Variants in PTPRT observed in about 807,000 individuals in gnomAD.
PTPRT encodes protein tyrosine phosphatase receptor type T.
PTPRT carries 56 observed loss-of-function variants against 176.8 expected under a neutral mutation model. The ratio of observed to expected loss-of-function variants is 0.32; its 90% confidence interval spans 0.26 to 0.40. The LOEUF (loss-of-function observed/expected upper bound fraction) is 0.40, where lower values mean the gene tolerates loss of function less well. Among genes scored for constraint, PTPRT ranks in the 10% least tolerant of loss-of-function variants. The probability of loss-of-function intolerance (pLI) is 1.00; values close to 1 mark genes in which losing one functional copy is unlikely to be tolerated. For synonymous variants in PTPRT, 783 were observed against 739.0 expected (o/e 1.06, Z -0.96); for missense variants, 1,540 against 1,908.2 (o/e 0.81, Z 3.60).
chr20:42,157,251 C>T (rs1198762555), intron 17 of PTPRT, among the ~76,000 whole-genome samples: 1 of 152,140 alleles, frequency 6.6e-6, no homozygotes, highest in Non-Finnish European at 1.5e-5. Context: ...ACCTCCTCTA[C>T]TTCATGTCCC....
chr20:42,761,389 G>A (rs1409208552), intron 5 of PTPRT, among the ~76,000 whole-genome samples: 6 of 151,662 alleles, frequency 4.0e-5, no homozygotes, highest in East Asian at 1.9e-4. Flanking sequence ...AGCCAAGATC[G>A]TGCCACTGCA....
At chr20:42,488,124 T>C (rs905636468) in intron 7 of PTPRT, among the ~76,000 whole-genome samples, 1 of 152,154 alleles carries the variant, frequency 6.6e-6, no homozygotes, top group African/African-American at 2.4e-5. Flanking sequence ...GTGTGTTCTC[T>C]CCATCATTTA....
chr20:42,480,092 A>G (rs2071359062), intron 7 of PTPRT, among the ~76,000 whole-genome samples: 1 of 152,154 alleles, frequency 6.6e-6, no homozygotes, highest in Admixed American at 6.5e-5. Context: ...CTCATTTCTT[A>G]ATTGAAAACT....
chr20:43,121,919 A>G (rs1209552023), intron 1 of PTPRT, among the ~76,000 whole-genome samples: 3 of 152,208 alleles, frequency 2.0e-5, no homozygotes, highest in South Asian at 4.1e-4. Flanking sequence ...ACTGAGGTTC[A>G]GAGAGGTTGA....
chr20:42,398,952 C>T (rs1001676849), intron 9 of PTPRT, among the ~76,000 whole-genome samples: 1 of 152,188 alleles, frequency 6.6e-6, no homozygotes, highest in African/African-American at 2.4e-5. Flanking sequence ...TTGGTCCTGA[C>T]TGTTGGTTAG....
chr20:42,114,662 C>T (rs1600538959), intron 22 of PTPRT, among the ~76,000 whole-genome samples: 1 of 152,166 alleles, frequency 6.6e-6, no homozygotes, highest in Non-Finnish European at 1.5e-5. Context: ...CAGTACCATC[C>T]TAACCCTTCT....
chr20:43,111,012 C>T (rs117397175), intron 1 of PTPRT, among the ~76,000 whole-genome samples: 1,676 of 152,194 alleles, frequency 0.011, 18 homozygotes, highest in Non-Finnish European at 0.019. Context: ...ATTTATCATG[C>T]ATCTACTACA....
intron 11 of PTPRT, among the ~76,000 whole-genome samples, chr20:42,321,353 A>C (rs138702639): frequency 5.3e-4 from 80 of 152,328 alleles, no homozygotes; most frequent in Non-Finnish European, 1.8e-4. Context: ...GGACCCTAGC[A>C]TCAGTACTTT....
intron 19 of PTPRT, among the ~76,000 whole-genome samples, chr20:42,126,710 A>T (rs1292386247): frequency 6.6e-6 from 1 of 152,170 alleles, no homozygotes; most frequent in African/African-American, 2.4e-5. Context: ...ACCAGATTTG[A>T]GTCCCTTTTA....
At chr20:43,031,551 G>A (rs1986138406) in intron 1 of PTPRT, among the ~76,000 whole-genome samples, 1 of 152,148 alleles carries the variant, frequency 6.6e-6, no homozygotes, top group South Asian at 2.1e-4. Flanking sequence ...CTAAGACACT[G>A]GCACAACACT....
At chr20:42,223,097 G>GA in intron 15 of PTPRT, among the ~76,000 whole-genome samples, 1 of 152,240 alleles carries the variant, frequency 6.6e-6, no homozygotes, top group Non-Finnish European at 1.5e-5. Context: ...TGAGAGTAGA[G>GA]AAAAAATGCA....
chr20:42,039,688 T>C, the PTPRT span, among the ~76,000 whole-genome samples: 2 of 66,886 alleles, frequency 3.0e-5, no homozygotes, highest in African/African-American at 8.8e-5. Flanking sequence ...CAATATTCTG[T>C]TGTGTATATA....
At chr20:42,349,247 C>G (rs1388228527) in intron 11 of PTPRT, among the ~76,000 whole-genome samples, 1 of 152,200 alleles carries the variant, frequency 6.6e-6, no homozygotes, top group Non-Finnish European at 1.5e-5. Flanking sequence ...CAAACACACT[C>G]CCATTCTCAT....
At chr20:42,928,593 C>T (rs1979634479) in intron 1 of PTPRT, among the ~76,000 whole-genome samples, 1 of 152,022 alleles carries the variant, frequency 6.6e-6, no homozygotes, top group African/African-American at 2.4e-5. Context: ...GATGAGTAGG[C>T]CAGGAGGTGT....
chr20:43,148,495 C>A (rs991954721), intron 1 of PTPRT, among the ~76,000 whole-genome samples: 1 of 152,162 alleles, frequency 6.6e-6, no homozygotes, highest in African/African-American at 2.4e-5. Context: ...CCCAGCACAG[C>A]AATGGATGCA....
chr20:43,015,417 G>A (rs1010069060), intron 1 of PTPRT, among the ~76,000 whole-genome samples: 4 of 152,168 alleles, frequency 2.6e-5, no homozygotes, highest in East Asian at 1.9e-4. Flanking sequence ...AATAAATCAC[G>A]GAGTGACCAA....
At chr20:42,522,660 C>T (rs2072196984) in intron 7 of PTPRT, among the ~76,000 whole-genome samples, 1 of 152,108 alleles carries the variant, frequency 6.6e-6, no homozygotes, top group Admixed American at 6.5e-5. Context: ...TGGGGTTTCA[C>T]CATGTTGGTC....
At chr20:42,852,303 T>A (rs897558787) in intron 2 of PTPRT, among the ~76,000 whole-genome samples, 6 of 152,210 alleles carry the variant, frequency 3.9e-5, no homozygotes, top group African/African-American at 1.4e-4. Context: ...CAAGTCTTCT[T>A]TTATGTGCCT....
chr20:42,890,066 C>T (rs1160932072), intron 1 of PTPRT, among the ~76,000 whole-genome samples: 1 of 152,160 alleles, frequency 6.6e-6, no homozygotes, highest in African/African-American at 2.4e-5. Context: ...AACCCCATAT[C>T]CCATAATGAA....
Sources: gnomAD v4.1 joint callset for allele counts (sites outside exome capture counted in the v4.1 genomes callset) on GRCh38, gnomAD v4.1.1 for gene constraint, MANE v1.5 for transcripts, NCBI Gene and HGNC (gene_info 2026-07-23, HGNC 2026-07-21) for gene names.